The following TIAM1 variants were observed in gnomAD, a reference collection of about 807,000 sequenced individuals.
TIAM1 encodes the protein rho guanine nucleotide exchange factor TIAM1.
A neutral mutation model predicts 163.5 loss-of-function variants in TIAM1; 65 were observed. The ratio of observed to expected loss-of-function variants is 0.40; its 90% confidence interval spans 0.33 to 0.49. The LOEUF is 0.49. TIAM1 is among the 20% of genes least tolerant of loss of function. The pLI, the probability that TIAM1 is intolerant of heterozygous loss-of-function variation, is 0.77. For missense variants in TIAM1, 1,789 were observed against 2,044.7 expected (o/e 0.87, Z 2.41); for synonymous variants, 833 against 810.1 (o/e 1.03, Z -0.48).
At chr21:31,400,883 C>A (rs1025588216) in intron 2 of TIAM1, among the ~76,000 whole-genome samples, 1 of 151,700 alleles carries the variant, frequency 6.6e-6, no homozygotes, top group East Asian at 1.9e-4. Flanking sequence ...CTGAGGTCGG[C>A]AGTTCGAGAC....
chr21:31,181,753 CTTCTTTTTTTTTT>C (rs2085028146), intron 15 of TIAM1, among the ~76,000 whole-genome samples: 2 of 39,440 alleles, frequency 5.1e-5, no homozygotes, highest in African/African-American at 7.6e-5. Context: ...TCTTCTTCTT[CTTCTTTTTTTTTT>C]TTTTTTTTTT....
intron 1 of TIAM1, among the ~76,000 whole-genome samples, chr21:31,495,968 A>G (rs74472406): frequency 9.7e-5 from 14 of 144,434 alleles, no homozygotes; most frequent in African/African-American, 3.6e-4. Context: ...TGAGGGTCTC[A>G]AAAAAAAAAA....
chr21:31,295,329 G>C (rs942500338), intron 2 of TIAM1, among the ~76,000 whole-genome samples: 3 of 152,080 alleles, frequency 2.0e-5, no homozygotes, highest in Non-Finnish European at 4.4e-5. Flanking sequence ...AATTAGTTGG[G>C]CGTGGTGGCA....
intron 2 of TIAM1, among the ~76,000 whole-genome samples, chr21:31,314,317 T>C (rs564667331): frequency 2.6e-4 from 39 of 152,238 alleles, no homozygotes; most frequent in Non-Finnish European, 5.1e-4. Context: ...ATATTAGAGG[T>C]ATCCTGAGAA....
At chr21:31,162,215 C>T (rs2083960262) in intron 16 of TIAM1, among the ~76,000 whole-genome samples, 1 of 152,154 alleles carries the variant, frequency 6.6e-6, no homozygotes, top group Non-Finnish European at 1.5e-5. Flanking sequence ...GTGCCCTCAT[C>T]TATAAAATAG....
At chr21:31,541,032 T>C (rs2048310148) in intron 1 of TIAM1, among the ~76,000 whole-genome samples, 1 of 152,190 alleles carries the variant, frequency 6.6e-6, no homozygotes, top group Non-Finnish European at 1.5e-5. Flanking sequence ...TGGAAGGCAG[T>C]TTGGCAATTC....
At chr21:31,508,238 C>T (rs1041273956) in intron 1 of TIAM1, among the ~76,000 whole-genome samples, 4 of 152,160 alleles carry the variant, frequency 2.6e-5, no homozygotes, top group East Asian at 1.9e-4. Flanking sequence ...CATTGCTTGA[C>T]GCTTCCCCTC....
In TIAM1 at chr21:31,120,885, C is replaced by T. The variant is rs758426507; in HGVS notation, c.4307-48G>A. ...AAAAATAAAACCCCCACATGCTTTACGTGAGATGAAAATCCAGAAAGCAAA... is the reference window on the plus strand; with the variant it reads ...AAAAATAAAACCCCCACATGCTTTATGTGAGATGAAAATCCAGAAAGCAAA... On this transcript the variant is annotated intron_variant, in intron 27 of 27. Coordinates refer to ENST00000541036, the MANE Select transcript of TIAM1 (RefSeq NM_001353694.2). This position sits in a 1 kb window ranked among gnomAD's most constrained non-coding sequence, Gnocchi z 4.2. The T allele has an allele frequency of 4.0e-6, 6 of 1,505,318 alleles. No homozygotes were observed. The highest frequency in any genetic ancestry group is 4.4e-6 in the Non-Finnish European group (5 of 1,127,226). 93.2% of individuals were successfully genotyped at this position (1,505,318 alleles called of 1,614,324 possible).
At chr21:31,373,768 A>G (rs2076639164) in intron 2 of TIAM1, among the ~76,000 whole-genome samples, 1 of 152,182 alleles carries the variant, frequency 6.6e-6, no homozygotes, top group Admixed American at 6.5e-5. Flanking sequence ...AGAAGAAACT[A>G]GAGAAAACTA....
chr21:31,447,203 A>C (rs943765114), intron 2 of TIAM1, among the ~76,000 whole-genome samples: 1 of 152,158 alleles, frequency 6.6e-6, no homozygotes, highest in African/African-American at 2.4e-5. Context: ...AGCCTGACCA[A>C]CAAAGGGAAA....
chr21:31,444,818 G>A (rs1356464794), intron 2 of TIAM1, among the ~76,000 whole-genome samples: 1 of 152,152 alleles, frequency 6.6e-6, no homozygotes, highest in African/African-American at 2.4e-5. Context: ...GACCAACATG[G>A]TGAAACCCCA....
intron 2 of TIAM1, among the ~76,000 whole-genome samples, chr21:31,407,403 C>A (rs556652702): frequency 6.6e-6 from 1 of 152,152 alleles, no homozygotes; most frequent in East Asian, 1.9e-4. Flanking sequence ...GGCTCAAGCA[C>A]CTCGGCAAAG....
chr21:31,515,872 C>G (rs1423241349), intron 1 of TIAM1, among the ~76,000 whole-genome samples: 1 of 152,096 alleles, frequency 6.6e-6, no homozygotes, highest in African/African-American at 2.4e-5. Context: ...CTTTGAGAGG[C>G]CAAGGCAGGC....
chr21:31,535,987 C>T (rs2048121288), intron 1 of TIAM1, among the ~76,000 whole-genome samples: 1 of 152,120 alleles, frequency 6.6e-6, no homozygotes, highest in South Asian at 2.1e-4. Flanking sequence ...GGTTACTATG[C>T]CAGCAGAAAA....
chr21:31,543,557 G>C (rs567577419), intron 1 of TIAM1, among the ~76,000 whole-genome samples: 1 of 152,230 alleles, frequency 6.6e-6, no homozygotes, highest in Non-Finnish European at 1.5e-5. Flanking sequence ...TTCAAGTCAC[G>C]GAGGAAGCAG....
At chr21:31,188,119 T>G (rs867105849) in intron 13 of TIAM1, among the ~76,000 whole-genome samples, 2 of 152,092 alleles carry the variant, frequency 1.3e-5, no homozygotes, top group African/African-American at 4.8e-5. Context: ...TGAGCCTTTT[T>G]AGGCCATGTC....
chr21:31,274,131 C>T (rs1399526226), intron 3 of TIAM1, among the ~76,000 whole-genome samples: 2 of 152,096 alleles, frequency 1.3e-5, no homozygotes, highest in African/African-American at 4.8e-5. Context: ...AGGAGAATCA[C>T]TTGAACCCAG....
At chr21:31,497,370 C>T (rs931621025) in intron 1 of TIAM1, among the ~76,000 whole-genome samples, 2 of 151,924 alleles carry the variant, frequency 1.3e-5, no homozygotes, top group African/African-American at 4.8e-5. Flanking sequence ...AGTAAGGAAG[C>T]GTTATACTGA....
intron 8 of TIAM1, among the ~76,000 whole-genome samples, chr21:31,223,017 C>G (rs1333216334): frequency 6.6e-6 from 1 of 151,884 alleles, no homozygotes; most frequent in African/African-American, 2.4e-5. Flanking sequence ...TGCGCCCAGC[C>G]TGAGAATGCA....
Sources: gnomAD v4.1 joint callset for allele counts (sites outside exome capture counted in the v4.1 genomes callset) on GRCh38, gnomAD v4.1.1 for gene constraint, Gnocchi (gnomAD v3.1) non-coding constraint, MANE v1.5 for transcripts, NCBI Gene and HGNC (gene_info 2026-07-23, HGNC 2026-07-21) for gene names.